Variants in PTGER3 observed in about 807,000 individuals in gnomAD.
PTGER3 encodes prostaglandin E2 receptor EP3 subtype.
PTGER3 carries 22 observed loss-of-function variants against 34.7 expected under a neutral mutation model. That is an observed-to-expected ratio of 0.63 (90% CI 0.45 to 0.91). The LOEUF (loss-of-function observed/expected upper bound fraction) is 0.91. PTGER3 is among the 40% of genes least tolerant of loss of function. The pLI, the probability that PTGER3 is intolerant of heterozygous loss-of-function variation, is 0.00. For synonymous variants in PTGER3, 241 were observed against 230.1 expected (o/e 1.05, Z -0.43); for missense variants, 468 against 519.4 (o/e 0.90, Z 0.96).
chr1:70,938,888 C>T (rs978055834), intron 4 of PTGER3, among the ~76,000 whole-genome samples: 8 of 152,128 alleles, frequency 5.3e-5, no homozygotes, highest in Admixed American at 2.0e-4. Context: ...AATTCCACGC[C>T]GGCCCCTCCA....
intron 2 of PTGER3, among the ~76,000 whole-genome samples, chr1:70,956,680 G>A (rs1340403998): frequency 6.6e-6 from 1 of 152,226 alleles, no homozygotes; most frequent in African/African-American, 2.4e-5. Flanking sequence ...ACCAGCAGAG[G>A]CAGTTGACCC....
intron 4 of PTGER3, among the ~76,000 whole-genome samples, chr1:70,864,396 T>C (rs542487190): frequency 6.6e-6 from 1 of 152,318 alleles, no homozygotes; most frequent in East Asian, 1.9e-4. Context: ...TTGCACACTG[T>C]TGACTAATAA....
At chr1:70,900,181 C>A (rs1263671697) in intron 4 of PTGER3, among the ~76,000 whole-genome samples, 1 of 152,116 alleles carries the variant, frequency 6.6e-6, no homozygotes, top group Non-Finnish European at 1.5e-5. Context: ...TCTTATTTTA[C>A]TAAATGATTT....
At position 71,046,706 on chromosome 1, in the gene PTGER3, A is replaced by G; in HGVS notation, c.872T>C (p.Leu291Pro). The G allele has an allele frequency of 6.3e-7, 1 of 1,578,178 alleles. No homozygotes were observed. The highest frequency in any genetic ancestry group is 8.6e-7 in the Non-Finnish European group (1 of 1,160,068). Residue 291 changes from leucine (L) to proline (P), a missense_variant, in exon 1 of 4, where the codon CTG (leucine) becomes CCG (proline). This residue lies in a region of PTGER3 where 204 missense variants were observed against 230.8 expected (regional missense o/e 0.88). Transcript: ENST00000306666. ...CAGGAGCGGAGACCAGCAGACCGAC[A>G]GCACGCACATGATCCCCATAAGCTG... ...AIQLMGIMCV[L>P]SVCWSPLLIM... is the part of the protein sequence containing the mutation.
At chr1:71,040,393 G>A (rs1473443951) in intron 1 of PTGER3, among the ~76,000 whole-genome samples, 1 of 152,034 alleles carries the variant, frequency 6.6e-6, no homozygotes, top group African/African-American at 2.4e-5. Context: ...CAGGAGGACA[G>A]GAGTTTGAGA....
intron 3 of PTGER3, among the ~76,000 whole-genome samples, chr1:70,972,466 A>G (rs951711465): frequency 6.6e-6 from 1 of 152,192 alleles, no homozygotes; most frequent in African/African-American, 2.4e-5. Context: ...GTCTGTCTAC[A>G]TGTATCTTTA....
exon 5 of PTGER3, chr1:70,852,583 A>T (rs1306501287): frequency 1.9e-6 from 1 of 524,710 alleles, no homozygotes; most frequent in Non-Finnish European, 3.3e-6. Context: ...ACATATGATA[A>T]TGTATACGCA....
chr1:70,908,335 G>A (rs1197631811), intron 4 of PTGER3, among the ~76,000 whole-genome samples: 1 of 152,116 alleles, frequency 6.6e-6, no homozygotes, highest in Non-Finnish European at 1.5e-5. Flanking sequence ...AGATTTCCCA[G>A]TGCTCTAATC....
chr1:70,996,399 G>T (rs1223545586), intron 2 of PTGER3, among the ~76,000 whole-genome samples: 2 of 151,978 alleles, frequency 1.3e-5, no homozygotes, highest in East Asian at 3.9e-4. Context: ...TTAAGTAATG[G>T]TATTGGTTCC....
intron 4 of PTGER3, among the ~76,000 whole-genome samples, chr1:70,914,320 T>C (rs1010531894): frequency 2.6e-5 from 4 of 151,846 alleles, no homozygotes; most frequent in African/African-American, 9.7e-5. Flanking sequence ...TTGCTAGGAT[T>C]TGATTGAGAT....
chr1:70,865,938 G>A lies in PTGER3; in HGVS notation c.*24-13079C>T, dbSNP rs575899146. The A allele has an allele frequency of 1.9e-4, 109 of 578,224 alleles. No homozygotes were observed. The African/African-American group carries it at 1.9e-3, about 10-fold the overall frequency. 35.8% of individuals were successfully genotyped at this position (578,224 alleles called of 1,614,324 possible). A position where few individuals can be genotyped will look rare whatever the true frequency, so the allele number is the denominator to read the frequency against. The stretch of plus-strand genomic sequence containing the variant: ...CCACACCTTTCCTGGACTGTCATCC[G>A]GGAAATTCCTACTCATTTCTTCTTC... On this transcript the variant is annotated intron_variant, in intron 4 of 4. Transcript: ENST00000370931.
Position 70,901,840 on chromosome 1 carries a change from T to C in PTGER3, c.*24-48981A>G, listed in dbSNP as rs72932192. Among the ~76,000 whole-genome samples, 908 of 152,116 alleles carry C rather than the reference T, an allele frequency of 6.0e-3. 11 individuals carry two copies. The highest frequency in any genetic ancestry group is 0.021 in the African/African-American group (883 of 41,498). ...TTTGGATTTTAAACATAAGATGGAG[T>C]AAGGATTTCACTACAAAAAGGATAC... On this transcript the variant is annotated intron_variant, in intron 4 of 4. Transcript: ENST00000370931.
intron 3 of PTGER3, among the ~76,000 whole-genome samples, chr1:70,973,198 T>C (rs1384612357): frequency 1.4e-5 from 2 of 139,550 alleles, no homozygotes; most frequent in East Asian, 2.3e-4. Context: ...TAGATATAGA[T>C]AGATGATAGA....
At chr1:70,952,641 A>C (rs1650873481) in exon 4 of PTGER3, 2 of 1,076,440 alleles carry the variant, frequency 1.9e-6, no homozygotes, top group Non-Finnish European at 2.3e-6. Context: ...CTGTTGACTA[A>C]AGCAGCAGTC....
intron 4 of PTGER3, among the ~76,000 whole-genome samples, chr1:70,894,257 C>T (rs1032117622): frequency 4.6e-5 from 6 of 130,662 alleles, no homozygotes; most frequent in African/African-American, 1.4e-4. Flanking sequence ...TGCAGTGAGC[C>T]GAGATCATGC....
At chr1:71,003,275 G>A (rs1305001228) in intron 2 of PTGER3, among the ~76,000 whole-genome samples, 3 of 152,180 alleles carry the variant, frequency 2.0e-5, no homozygotes, top group Admixed American at 2.0e-4. Context: ...GAATGGCAAT[G>A]CACAAATTTA....
intron 4 of PTGER3, among the ~76,000 whole-genome samples, chr1:70,894,686 T>C (rs575554748): frequency 1.5e-4 from 23 of 152,334 alleles, no homozygotes; most frequent in African/African-American, 5.5e-4. Flanking sequence ...CAAAAGTATA[T>C]TTAGTTTACT....
Position 70,891,689 on chromosome 1 carries a change from T to G in PTGER3, c.*24-38830A>C, listed in dbSNP as rs117548294. 3.9e-5 allele frequency among the ~76,000 whole-genome samples: 6 copies of G among 152,360 alleles called. No individual in the cohort carries two copies. In the East Asian group the frequency reaches 1.2e-3, roughly 29 times the overall value. On this transcript the variant is annotated intron_variant, in intron 4 of 4. Coordinates refer to the PTGER3 transcript ENST00000370931. Reference sequence around the variant, plus strand: ...GAGCTGTGTTCTTGATACAGTCTGCTTGTTTTAGAGCTTGCAGGCTTGCAT... The same window carrying G: ...GAGCTGTGTTCTTGATACAGTCTGCGTGTTTTAGAGCTTGCAGGCTTGCAT...
In PTGER3 at chr1:71,036,707, T is replaced by C. The variant is rs142588530; in HGVS notation, c.897+9974A>G. On this transcript the variant is annotated intron_variant, in intron 1 of 3. Coordinates refer to ENST00000306666, the MANE Select transcript of PTGER3 (RefSeq NM_198719.2). Reference sequence around the variant, plus strand: ...TACAAAAACTAGCCGGGTGTGGTGGTGGGCTCCTGTAGTCCCAGCTATTGG... The same window carrying C: ...TACAAAAACTAGCCGGGTGTGGTGGCGGGCTCCTGTAGTCCCAGCTATTGG... Among the ~76,000 whole-genome samples, 994 of 151,412 alleles carry C rather than the reference T, an allele frequency of 6.6e-3. 16 individuals carry two copies. Among genetic ancestry groups the C allele is most frequent in the African/African-American group, 0.022 (917 of 41,236 alleles).
Sources: allele counts gnomAD v4.1 joint callset (sites outside exome capture counted in the v4.1 genomes callset), GRCh38; gene constraint gnomAD v4.1.1; regional missense constraint gnomAD v4.1.1; transcripts MANE v1.5; gene names NCBI Gene and HGNC (gene_info 2026-07-23, HGNC 2026-07-21).